The following WDR76 variants were observed in gnomAD, a reference collection of about 807,000 sequenced individuals.
WDR76 encodes the protein WD repeat-containing protein 76.
WDR76 carries 52 observed loss-of-function variants against 70.2 expected under a neutral mutation model. The observed-to-expected ratio is 0.74, with a 90% CI of 0.59 to 0.93. The LOEUF (loss-of-function observed/expected upper bound fraction) is 0.93, where lower values mean the gene tolerates loss of function less well. WDR76 is among the 40% of genes least tolerant of loss of function. WDR76 has a pLI of 0.00. For synonymous variants in WDR76, 292 were observed against 271.1 expected (o/e 1.08, Z -0.76); for missense variants, 756 against 760.2 (o/e 0.99, Z 0.07).
At chr15:43,840,402 T>C (rs906783071) in intron 5 of WDR76, among the ~76,000 whole-genome samples, 1 of 152,156 alleles carries the variant, frequency 6.6e-6, no homozygotes, top group African/African-American at 2.4e-5. Flanking sequence ...ATAAAGTTTC[T>C]CACATATTAG....
At chr15:43,856,456 TTTCTG>T (rs2087928068) in intron 9 of WDR76, among the ~76,000 whole-genome samples, 1 of 152,204 alleles carries the variant, frequency 6.6e-6, no homozygotes, top group Non-Finnish European at 1.5e-5. Flanking sequence ...ATTCAGTTCT[TTTCTG>T]TTAAGTTTCA....
rs751346151 is a variant in WDR76 at position 43,828,185 on chromosome 15, T to C, written c.281T>C (p.Ile94Thr). Residue 94 changes from isoleucine (I) to threonine (T), a missense_variant, in exon 2 of 13, where the codon ATA (isoleucine) becomes ACA (threonine). Coordinates refer to ENST00000263795, the MANE Select transcript of WDR76 (RefSeq NM_024908.4). ...TKIKKTCRRI[I>T]PPKMKNTSSK... ...ATAAAGAAAACTTGCAGAAGGATTATACCTCCAAAGATGAAAAACACATCT... is the reference window on the plus strand; with the variant it reads ...ATAAAGAAAACTTGCAGAAGGATTACACCTCCAAAGATGAAAAACACATCT... The C allele has an allele frequency of 6.2e-7, 1 of 1,614,184 alleles. No individual in the cohort carries two copies. Among genetic ancestry groups the C allele is most frequent in the South Asian group, 1.1e-5 (1 of 91,084 alleles).
intron 5 of WDR76, among the ~76,000 whole-genome samples, chr15:43,841,869 G>C (rs1248051172): frequency 2.0e-5 from 3 of 151,514 alleles, no homozygotes; most frequent in East Asian, 3.9e-4. Context: ...TTTTGTTTTT[G>C]TTTTTTGTTT....
At chr15:43,856,420 TA>T (rs2087927595) in intron 9 of WDR76, among the ~76,000 whole-genome samples, 1 of 152,184 alleles carries the variant, frequency 6.6e-6, no homozygotes, top group African/African-American at 2.4e-5. Flanking sequence ...CATATTAAAA[TA>T]TAATTTCAAT....
rs757321880 is a variant in WDR76 at position 43,851,126 on chromosome 15, C to G, written c.1072C>G (p.Pro358Ala). 3 of 1,614,196 alleles carry G rather than the reference C, an allele frequency of 1.9e-6. No individual in the cohort carries two copies. Among genetic ancestry groups the G allele is most frequent in the East Asian group, 2.2e-5 (1 of 44,888 alleles). ...PKEDGVYVFH[P>A]HSQPVSCLYF... ...AGAAGATGGAGTTTATGTTTTTCAT[C>G]CCCATAGTCAGCCAGTTAGCTGTCT... is the stretch of plus-strand genomic sequence containing the variant. The change falls in exon 9 of 13, where the codon CCC becomes GCC. Residue 358 changes from proline (P) to alanine (A), a missense_variant. Physicochemically the swap from Pro to Ala is conservative, Grantham distance 27 (BLOSUM62 -1). Transcript: ENST00000263795.
intron 2 of WDR76, among the ~76,000 whole-genome samples, chr15:43,832,105 G>A (rs1223424291): frequency 1.3e-5 from 2 of 152,172 alleles, no homozygotes; most frequent in Non-Finnish European, 2.9e-5. Context: ...AGAATTGTAA[G>A]TTGAAAATAA....
intron 2 of WDR76, among the ~76,000 whole-genome samples, chr15:43,833,607 CTGCT>C: frequency 6.6e-6 from 1 of 151,784 alleles, no homozygotes; most frequent in East Asian, 1.9e-4. Context: ...GCGTGAGCCA[CTGCT>C]CCCAGCCCTT....
At position 43,851,180 on chromosome 15, in the gene WDR76, A is replaced by G. The variant is rs1235447458; in HGVS notation, c.1126A>G (p.Ile376Val). 3 of 1,614,040 alleles carry G rather than the reference A, an allele frequency of 1.9e-6. No individual in the cohort carries two copies. The highest frequency in any genetic ancestry group is 2.5e-6 in the Non-Finnish European group (3 of 1,180,030). Residue 376 changes from isoleucine (I) to valine (V), a missense_variant, in exon 9 of 13, where the codon ATA becomes GTA. Ile to Val is a conservative substitution (Grantham distance 29). Transcript: ENST00000263795. ...CTTCTCACCCGCCAATCCGGCCCAC[A>G]TACTGTCACTGAGCTATGATGGCAC... ...LYFSPANPAH[I>V]LSLSYDGTLR...
intron 8 of WDR76, among the ~76,000 whole-genome samples, chr15:43,846,842 A>G (rs2087794884): frequency 6.6e-6 from 1 of 151,784 alleles, no homozygotes; most frequent in Non-Finnish European, 1.5e-5. Context: ...GAACAACATG[A>G]TGAAATCCCA....
At chr15:43,831,177 G>C (rs993216536) in intron 2 of WDR76, among the ~76,000 whole-genome samples, 1 of 152,062 alleles carries the variant, frequency 6.6e-6, no homozygotes, top group Non-Finnish European at 1.5e-5. Flanking sequence ...GTTGCAGTGA[G>C]CTGAGATCAG....
At chr15:43,866,098 A>G (rs1814225450) in intron 12 of WDR76, 30 bp from the exon 13 acceptor site, 8 of 1,609,424 alleles carry the variant, frequency 5.0e-6, no homozygotes, top group Non-Finnish European at 6.0e-6. Flanking sequence ...ACCTTACTTC[A>G]TTTAAAAAAT....
In WDR76 at chr15:43,866,109, A is replaced by G. The variant is rs1174727379; in HGVS notation, c.1617-19A>G. On this transcript the variant is annotated intron_variant, in intron 12 of 12. Coordinates refer to ENST00000263795, the MANE Select transcript of WDR76 (RefSeq NM_024908.4). The stretch of plus-strand genomic sequence containing the variant: ...TTTAACCTTACTTCATTTAAAAAAT[A>G]TATTGTTTTCCTCACTAGGCACAAC... 6.2e-6 allele frequency: 10 copies of G among 1,611,412 alleles called. No homozygotes were observed. Among genetic ancestry groups the G allele is most frequent in the East Asian group, 2.2e-5 (1 of 44,798 alleles).
chr15:43,843,617 T>C (rs534082372), intron 7 of WDR76, among the ~76,000 whole-genome samples: 2 of 152,292 alleles, frequency 1.3e-5, no homozygotes, highest in Non-Finnish European at 2.9e-5. Context: ...CAAAGGTCTT[T>C]TTTTTTCTTC....
At chr15:43,859,572 C>G (rs1157236081) in intron 11 of WDR76, among the ~76,000 whole-genome samples, 1 of 152,180 alleles carries the variant, frequency 6.6e-6, no homozygotes, top group Non-Finnish European at 1.5e-5. Flanking sequence ...TTTAAACCCA[C>G]CTGATGGGAA....
At chr15:43,840,500 AC>A (rs2087711311) in intron 5 of WDR76, among the ~76,000 whole-genome samples, 2 of 152,212 alleles carry the variant, frequency 1.3e-5, no homozygotes, top group South Asian at 4.1e-4. Context: ...TATTTAGCAA[AC>A]ATTTTCTAAA....
chr15:43,829,624 A>G (rs907174082), intron 2 of WDR76, among the ~76,000 whole-genome samples: 11 of 148,052 alleles, frequency 7.4e-5, no homozygotes, highest in African/African-American at 2.8e-4. Context: ...CTCCTGCCTC[A>G]GCCTCCTGAG....
chr15:43,863,534 G>T (rs2088030775), intron 12 of WDR76, among the ~76,000 whole-genome samples: 1 of 149,134 alleles, frequency 6.7e-6, no homozygotes, highest in Non-Finnish European at 1.5e-5. Context: ...TCTCTGCCCA[G>T]CAGTTTGTTA....
chr15:43,843,578 C>T lies in WDR76; in HGVS notation c.879-323C>T, dbSNP rs1429545234. On this transcript the variant is annotated intron_variant, in intron 7 of 12. Coordinates refer to ENST00000263795, the MANE Select transcript of WDR76 (RefSeq NM_024908.4). ...TCAAATATTGTGAACATTTTTATGG[C>T]TTTTAGTACACATTGCCGAATTGTT... Among the ~76,000 whole-genome samples the T allele has an allele frequency of 2.6e-5, 4 of 151,974 alleles. No individual in the cohort carries two copies. The South Asian group carries it at 8.3e-4, about 32-fold the overall frequency.
intron 10 of WDR76, 24 bp downstream of exon 10, chr15:43,857,187 G>T: frequency 1.3e-6 from 2 of 1,572,238 alleles, no homozygotes; most frequent in South Asian, 2.3e-5. Context: ...AAGACTTTAT[G>T]ACTTAGACCT....
Sources: gnomAD v4.1 joint callset for allele counts (sites outside exome capture counted in the v4.1 genomes callset) on GRCh38, gnomAD v4.1.1 for gene constraint, MANE v1.5 for transcripts, NCBI Gene and HGNC (gene_info 2026-07-23, HGNC 2026-07-21) for gene names.